The following AKAP7 variants were observed in gnomAD, a reference collection of about 807,000 sequenced individuals.
The protein encoded by AKAP7 is A-kinase anchoring protein 7.
A neutral mutation model predicts 39.5 loss-of-function variants in AKAP7; 39 were observed. The observed-to-expected ratio is 0.99, with a 90% CI of 0.76 to 1.29. The LOEUF (loss-of-function observed/expected upper bound fraction) is 1.29. Ranked by LOEUF, AKAP7 falls within the 50% of genes most tolerant of loss-of-function variation. The pLI is 0.00. For missense variants in AKAP7, 414 were observed against 407.7 expected (o/e 1.02, Z -0.13); for synonymous variants, 140 against 139.1 (o/e 1.01, Z -0.05).
intron 5 of AKAP7, among the ~76,000 whole-genome samples, chr6:131,193,317 A>G (rs964756144): frequency 6.6e-5 from 10 of 152,114 alleles, no homozygotes; most frequent in African/African-American, 2.4e-4. Context: ...GCTTTTTCAG[A>G]ATCAATTGAA....
chr6:131,205,321 T>G (rs980074025), intron 6 of AKAP7, among the ~76,000 whole-genome samples: 1 of 152,016 alleles, frequency 6.6e-6, no homozygotes, highest in Non-Finnish European at 1.5e-5. Context: ...AAACATCTCA[T>G]TGACATTAAA....
At chr6:131,224,976 C>T (rs184334520) in intron 7 of AKAP7, among the ~76,000 whole-genome samples, 1 of 151,680 alleles carries the variant, frequency 6.6e-6, no homozygotes, top group East Asian at 1.9e-4. Context: ...AGGCTGGTAT[C>T]GAACTCCTGA....
At chr6:131,231,638 T>A (rs1184187098) in intron 7 of AKAP7, among the ~76,000 whole-genome samples, 3 of 152,148 alleles carry the variant, frequency 2.0e-5, no homozygotes, top group African/African-American at 4.8e-5. Flanking sequence ...ACCATATGAT[T>A]TATCATCTAA....
At chr6:131,199,642 C>T (rs1319757931) in intron 6 of AKAP7, 69 bp downstream of exon 6, 12 of 1,231,876 alleles carry the variant, frequency 9.7e-6, no homozygotes, top group African/African-American at 3.0e-5. Flanking sequence ...GTCTGGAGCA[C>T]GAGTGACATT....
At chr6:131,189,769 A>T (rs1267237352) in intron 5 of AKAP7, among the ~76,000 whole-genome samples, 1 of 152,220 alleles carries the variant, frequency 6.6e-6, no homozygotes, top group Non-Finnish European at 1.5e-5. Flanking sequence ...GTGTCCTTGT[A>T]TGTAAATATA....
At chr6:131,154,720 A>T (rs1349639767) in intron 2 of AKAP7, among the ~76,000 whole-genome samples, 1 of 152,162 alleles carries the variant, frequency 6.6e-6, no homozygotes, top group Admixed American at 6.5e-5. Flanking sequence ...GTCATCAAAT[A>T]GCAAGACAAT....
At chr6:131,213,863 A>G (rs1004859414) in intron 6 of AKAP7, among the ~76,000 whole-genome samples, 4 of 152,164 alleles carry the variant, frequency 2.6e-5, no homozygotes, top group Admixed American at 2.0e-4. Context: ...AAGGCATTGC[A>G]GTGTTCTAGC....
At chr6:131,214,345 G>A (rs994902026) in intron 6 of AKAP7, among the ~76,000 whole-genome samples, 3 of 152,134 alleles carry the variant, frequency 2.0e-5, no homozygotes, top group African/African-American at 7.2e-5. Context: ...TGTAAAGCCT[G>A]AACATTAAAC....
intron 5 of AKAP7, among the ~76,000 whole-genome samples, chr6:131,182,439 A>G (rs1805358011): frequency 6.6e-6 from 1 of 152,218 alleles, no homozygotes; most frequent in South Asian, 2.1e-4. Flanking sequence ...CACTTAACAT[A>G]ACGTCCTTAA....
intron 7 of AKAP7, among the ~76,000 whole-genome samples, chr6:131,235,110 A>G (rs910591093): frequency 6.6e-6 from 1 of 151,674 alleles, no homozygotes; most frequent in African/African-American, 2.4e-5. Flanking sequence ...TCCTGTGTCT[A>G]TGTGTTCTCA....
At chr6:131,253,150 C>T in intron 7 of AKAP7, 1 of 1,561,728 alleles carries the variant, frequency 6.4e-7, no homozygotes, top group Non-Finnish European at 8.8e-7. Flanking sequence ...CTATTTTATC[C>T]TGCTTTTGCC....
At chr6:131,161,248 A>G (rs563896051) in intron 3 of AKAP7, among the ~76,000 whole-genome samples, 1 of 152,320 alleles carries the variant, frequency 6.6e-6, no homozygotes, top group Non-Finnish European at 1.5e-5. Flanking sequence ...ACAAGAGAAG[A>G]GTTACCTAGC....
chr6:131,153,576 CA>C (rs1802134821), intron 2 of AKAP7, among the ~76,000 whole-genome samples: 1 of 151,328 alleles, frequency 6.6e-6, no homozygotes, highest in South Asian at 2.1e-4. Flanking sequence ...TTTGAAATGG[CA>C]AAAATAAGTT....
intron 6 of AKAP7, among the ~76,000 whole-genome samples, chr6:131,206,640 A>G (rs922682618): frequency 2.0e-5 from 3 of 152,196 alleles, no homozygotes; most frequent in Admixed American, 6.5e-5. Flanking sequence ...GAAAGTTTCT[A>G]TACTAGGTTG....
chr6:131,268,762 G>A (rs1025717011), intron 7 of AKAP7, among the ~76,000 whole-genome samples: 2 of 152,154 alleles, frequency 1.3e-5, no homozygotes, highest in Non-Finnish European at 2.9e-5. Context: ...ATGAGCAGGT[G>A]TGTTGGCCAA....
chr6:131,277,860 G>A (rs1039187820), intron 7 of AKAP7, among the ~76,000 whole-genome samples: 2 of 152,078 alleles, frequency 1.3e-5, no homozygotes, highest in African/African-American at 4.8e-5. Context: ...TTGATTGGTT[G>A]GTTGGTTAGT....
chr6:131,164,231 G>C, intron 3 of AKAP7: 1 of 359,358 alleles, frequency 2.8e-6, no homozygotes, highest in South Asian at 2.2e-5. Context: ...TCTGTCTTCT[G>C]TTCCCTTAGG....
In AKAP7 at chr6:131,155,918, T is replaced by C. The variant is rs533700920; in HGVS notation, c.152-4141T>C. On this transcript the variant is annotated intron_variant, in intron 2 of 7. Transcript: ENST00000431975. Reference sequence around the variant, plus strand: ...TTTGAATTTCCAGAACTCTCATACATTGTATGCTCCAGACCTGGAATCAGC... The same window carrying C: ...TTTGAATTTCCAGAACTCTCATACACTGTATGCTCCAGACCTGGAATCAGC... Among the ~76,000 whole-genome samples, 30 of 152,314 alleles carry C rather than the reference T, an allele frequency of 2.0e-4. No homozygotes were observed. The South Asian group carries it at 5.8e-3, about 29-fold the overall frequency.
At chr6:131,198,633 G>T (rs1007579411) in intron 5 of AKAP7, among the ~76,000 whole-genome samples, 1 of 152,114 alleles carries the variant, frequency 6.6e-6, no homozygotes, top group Admixed American at 6.5e-5. Flanking sequence ...GGGTTTTCCA[G>T]TCTGGCTAAT....
Sources: gnomAD v4.1 joint callset for allele counts (sites outside exome capture counted in the v4.1 genomes callset) on GRCh38, gnomAD v4.1.1 for gene constraint, MANE v1.5 for transcripts, NCBI Gene and HGNC (gene_info 2026-07-23, HGNC 2026-07-21) for gene names.